PCDH15: variants seen among roughly 807,000 people sequenced by gnomAD.
The protein encoded by PCDH15 is protocadherin-15.
PCDH15 carries 129 observed loss-of-function variants against 178.5 expected under a neutral mutation model. The observed-to-expected ratio is 0.72, with a 90% CI of 0.63 to 0.84. The LOEUF (loss-of-function observed/expected upper bound fraction) is 0.84. Among genes scored for constraint, PCDH15 ranks in the 40% least tolerant of loss-of-function variants. The probability of loss-of-function intolerance (pLI) is 0.00; values close to 1 mark genes in which losing one functional copy is unlikely to be tolerated. For synonymous variants in PCDH15, 800 were observed against 732.0 expected, an observed-to-expected ratio of 1.09 and a Z score of -1.50; for missense variants, 2,230 against 2,099.9, an observed-to-expected ratio of 1.06 and a Z score of -1.21.
chr10:54,532,493 A>AAAACTCAGTG (rs1363097483), intron 2 of PCDH15, among the ~76,000 whole-genome samples: 1 of 152,154 alleles, frequency 6.6e-6, no homozygotes, highest in Non-Finnish European at 1.5e-5. Context: ...TCACAGAAAG[A>AAAACTCAGTG]AAACTCAGTG....
intron 2 of PCDH15, among the ~76,000 whole-genome samples, chr10:54,571,533 T>C (rs1211300943): frequency 1.3e-5 from 2 of 152,086 alleles, no homozygotes; most frequent in Admixed American, 1.3e-4. Flanking sequence ...AAAGGCAATG[T>C]ACTAACCCAT....
intron 2 of PCDH15, among the ~76,000 whole-genome samples, chr10:55,421,079 A>G (rs1344995463): frequency 6.7e-6 from 1 of 150,300 alleles, no homozygotes; most frequent in Non-Finnish European, 1.5e-5. Context: ...AGATAGTTGC[A>G]AAGAGGAAGG....
intron 5 of PCDH15, among the ~76,000 whole-genome samples, chr10:54,359,222 C>A (rs1020403422): frequency 4.6e-5 from 7 of 151,690 alleles, no homozygotes; most frequent in Non-Finnish European, 1.0e-4. Flanking sequence ...TATATATGTA[C>A]ATAGTGCTCT....
intron 8 of PCDH15, among the ~76,000 whole-genome samples, chr10:54,253,871 G>T (rs2056696417): frequency 6.6e-6 from 1 of 151,686 alleles, no homozygotes; most frequent in African/African-American, 2.4e-5. Context: ...TAGAACACAT[G>T]GCCATTTAAT....
At chr10:54,592,364 A>AT (rs2091940608) in intron 2 of PCDH15, among the ~76,000 whole-genome samples, 1 of 141,798 alleles carries the variant, frequency 7.1e-6, no homozygotes, top group African/African-American at 2.6e-5. Context: ...CCTGACTTCC[A>AT]TTTTTCTTTT....
At chr10:54,046,208 G>A (rs1323817784) in intron 18 of PCDH15, among the ~76,000 whole-genome samples, 1 of 152,134 alleles carries the variant, frequency 6.6e-6, no homozygotes, top group Non-Finnish European at 1.5e-5. Flanking sequence ...CAGGAACCAT[G>A]ACCAACTCTC....
At chr10:53,879,724 C>A (rs2080553228) in intron 26 of PCDH15, among the ~76,000 whole-genome samples, 1 of 152,202 alleles carries the variant, frequency 6.6e-6, no homozygotes, top group Admixed American at 6.5e-5. Flanking sequence ...TGTGCCTCAG[C>A]CTCTCGAGTA....
intron 21 of PCDH15, among the ~76,000 whole-genome samples, chr10:53,976,315 C>T (rs1454007715): frequency 6.6e-6 from 1 of 151,986 alleles, no homozygotes; most frequent in Non-Finnish European, 1.5e-5. Context: ...AACACGTTCA[C>T]TAAATAGAAA....
intron 2 of PCDH15, among the ~76,000 whole-genome samples, chr10:55,381,347 G>C (rs1279930421): frequency 2.0e-5 from 3 of 152,148 alleles, no homozygotes; most frequent in Non-Finnish European, 4.4e-5. Context: ...AAAAATAAAT[G>C]TGGTTTACAT....
At chr10:55,075,437 C>T (rs1420719242) in intron 2 of PCDH15, among the ~76,000 whole-genome samples, 3 of 148,426 alleles carry the variant, frequency 2.0e-5, no homozygotes, top group East Asian at 4.0e-4. Context: ...GCAATCTCAG[C>T]TCACAGCAAC....
intron 21 of PCDH15, among the ~76,000 whole-genome samples, chr10:53,975,118 C>T (rs891630904): frequency 2.6e-5 from 4 of 152,094 alleles, no homozygotes; most frequent in Non-Finnish European, 5.9e-5. Context: ...TGCTTTCATT[C>T]TTTTTTATGT....
chr10:55,473,069 G>A (rs1352556460), intron 2 of PCDH15, among the ~76,000 whole-genome samples: 1 of 152,048 alleles, frequency 6.6e-6, no homozygotes, highest in Non-Finnish European at 1.5e-5. Context: ...AATATAAATA[G>A]TGAAACACAA....
intron 14 of PCDH15, among the ~76,000 whole-genome samples, chr10:54,139,784 T>G (rs979071152): frequency 1.3e-5 from 2 of 151,756 alleles, no homozygotes; most frequent in Non-Finnish European, 2.9e-5. Flanking sequence ...AACCAATAAG[T>G]AGAAGAAAGA....
rs147224775 is a variant in PCDH15, at chr10:54,389,144, GGAAAAA to G, written c.158-10208_158-10203del. On this transcript the variant is annotated intron_variant, in intron 3 of 37. Transcript: ENST00000644397. ...CTCACTGACATCCCTAATCTACAGA[GGAAAAA>G]AAAACAAAACAAAACAAAAAAAAAC... Among the ~76,000 whole-genome samples the G allele has an allele frequency of 8.7e-3, 33 of 3,782 alleles. 1 individual carries two copies. The highest frequency in any genetic ancestry group is 0.019 in the South Asian group (3 of 160). The allele number at this position is 3,782 out of a possible 152,430, so 2.5% of individuals were successfully genotyped here. A position where few individuals can be genotyped will look rare whatever the true frequency, so the allele number is the denominator to read the frequency against.
chr10:54,774,134 C>T (rs1487627190), intron 1 of PCDH15, among the ~76,000 whole-genome samples: 9 of 149,436 alleles, frequency 6.0e-5, no homozygotes, highest in Non-Finnish European at 1.2e-4. Context: ...GTTCACACCA[C>T]TCTCCTGCCT....
At chr10:54,243,285 A>C (rs1363692681) in intron 8 of PCDH15, among the ~76,000 whole-genome samples, 1 of 152,290 alleles carries the variant, frequency 6.6e-6, no homozygotes, top group South Asian at 2.1e-4. Context: ...CAAGGCGGGC[A>C]GATCACGAGG....
rs137916789 is a variant in PCDH15 at position 55,522,783 on chromosome 10, T to C, written c.-156+104842A>G. Among the ~76,000 whole-genome samples, 6 of 151,918 alleles carry C rather than the reference T, an allele frequency of 3.9e-5. No homozygotes were observed. In the East Asian group the frequency reaches 1.2e-3, roughly 29 times the overall value. On this transcript the variant is annotated intron_variant, in intron 2 of 5. Coordinates refer to the PCDH15 transcript ENST00000613346. ...ATTACTTATCCACCATTTCTTTTGATTGGAGAATTTAATTCATTTGCATTA... is the reference window on the plus strand; with the variant it reads ...ATTACTTATCCACCATTTCTTTTGACTGGAGAATTTAATTCATTTGCATTA...
rs545400460 is a variant in PCDH15 at position 54,800,983 on chromosome 10, A to G, written c.-87T>C. 10 of 152,314 alleles carry G rather than the reference A, an allele frequency of 6.6e-5. No homozygotes were observed. Among genetic ancestry groups the G allele is most frequent in the Admixed American group, 6.5e-4 (10 of 15,284 alleles). The allele number at this position is 152,314 out of a possible 1,614,324, so 9.4% of individuals were successfully genotyped here. On this transcript the variant is annotated 5_prime_UTR_variant, in exon 1 of 38. Coordinates refer to ENST00000644397, the MANE Select transcript of PCDH15 (RefSeq NM_001384140.1). ...AGATTATGCAGCAAGTTTTCTTGCC[A>G]AGGCTGCCTCTTGCACATCCCTTTA...
chr10:54,208,631 C>T (rs564905807), intron 10 of PCDH15, among the ~76,000 whole-genome samples: 6 of 152,030 alleles, frequency 3.9e-5, no homozygotes, highest in South Asian at 2.1e-4. Context: ...TTCCAGCCTC[C>T]GGAAGAGTGA....
Sources: allele counts gnomAD v4.1 joint callset (sites outside exome capture counted in the v4.1 genomes callset), GRCh38; gene constraint gnomAD v4.1.1; transcripts MANE v1.5; gene names NCBI Gene and HGNC (gene_info 2026-07-23, HGNC 2026-07-21).